EPHA3: variants seen among roughly 807,000 people sequenced by gnomAD.
The protein encoded by EPHA3 is EPH receptor A3, also known as ephrin type-A receptor 3.
EPHA3 carries 42 observed loss-of-function variants against 107.1 expected under a neutral mutation model. The observed-to-expected ratio is 0.39, with a 90% CI of 0.31 to 0.51. The LOEUF (loss-of-function observed/expected upper bound fraction) is 0.51. Ranked by LOEUF, EPHA3 falls within the 20% of genes least tolerant of loss-of-function variation. The pLI is 0.78. For synonymous variants in EPHA3, 461 were observed against 424.8 expected (o/e 1.09, Z -1.05); for missense variants, 1,183 against 1,211.2 (o/e 0.98, Z 0.35).
chr3:89,399,469 C>T lies in EPHA3; in HGVS notation c.1583C>T (p.Thr528Ile). 1.2e-6 allele frequency: 2 copies of T among 1,614,162 alleles called. No homozygotes were observed. Among genetic ancestry groups the T allele is most frequent in the Non-Finnish European group, 1.7e-6 (2 of 1,180,026 alleles). Residue 528 changes from threonine to isoleucine, a missense_variant, in exon 7 of 17, where the codon ACT becomes ATT. Transcript: ENST00000336596. ...GTNSRKFEFE[T>I]SPDSFSISGE... ...AACAGCCGCAAGTTTGAGTTTGAAA[C>T]TAGTCCAGACTGTATGTATTATTTC... is the stretch of plus-strand genomic sequence containing the variant.
chr3:89,210,460 G>A lies in EPHA3; in HGVS notation c.754G>A (p.Val252Ile), dbSNP rs1194420863. Reference protein sequence around the residue: ...MYCSTEGEWLVPIGKCSCNAG... With the variant: ...MYCSTEGEWLIPIGKCSCNAG... ...CTGCAGTACAGAAGGCGAATGGCTT[G>A]TACCCATTGGCAAGTGTTCCTGCAA... Residue 252 changes from valine (V) to isoleucine (I), a missense_variant, in exon 3 of 17, where the codon GTA (valine) becomes ATA (isoleucine). Coordinates refer to ENST00000336596, the MANE Select transcript of EPHA3 (RefSeq NM_005233.6). 3.1e-6 allele frequency: 5 copies of A among 1,596,050 alleles called. No homozygotes were observed. In the South Asian group the frequency reaches 3.4e-5, roughly 11 times the overall value.
At chr3:89,185,924 AAATTT>A (rs2107129536) in intron 2 of EPHA3, among the ~76,000 whole-genome samples, 1 of 152,260 alleles carries the variant, frequency 6.6e-6, no homozygotes, top group African/African-American at 2.4e-5. Flanking sequence ...TCTATTACTC[AAATTT>A]AATGCATATT....
intron 3 of EPHA3, among the ~76,000 whole-genome samples, chr3:89,270,997 T>C (rs1294486161): frequency 1.3e-5 from 2 of 151,998 alleles, no homozygotes; most frequent in African/African-American, 4.8e-5. Context: ...TAATAATACT[T>C]TTCTTTAATC....
chr3:89,178,668 GAAT>G (rs1367763651), intron 2 of EPHA3, among the ~76,000 whole-genome samples: 1 of 151,612 alleles, frequency 6.6e-6, no homozygotes, highest in African/African-American at 2.4e-5. Flanking sequence ...TATTAATTCT[GAAT>G]AATATAATGT....
At chr3:89,380,418 G>A (rs1283609766) in intron 5 of EPHA3, among the ~76,000 whole-genome samples, 1 of 152,152 alleles carries the variant, frequency 6.6e-6, no homozygotes, top group Non-Finnish European at 1.5e-5. Flanking sequence ...CTCAATTAAA[G>A]TTAGCAGTTT....
At chr3:89,109,351 G>A (rs530380722) in intron 1 of EPHA3, among the ~76,000 whole-genome samples, 3 of 151,856 alleles carry the variant, frequency 2.0e-5, no homozygotes, top group African/African-American at 7.3e-5. Context: ...ATGTATAATA[G>A]GTAACATATC....
intron 3 of EPHA3, among the ~76,000 whole-genome samples, chr3:89,235,661 A>T (rs1704741481): frequency 6.6e-6 from 1 of 151,992 alleles, no homozygotes; most frequent in Non-Finnish European, 1.5e-5. Flanking sequence ...TTTTTCATGA[A>T]CATGGTGTAT....
chr3:89,334,122 C>A (rs1461952982), intron 3 of EPHA3, among the ~76,000 whole-genome samples: 1 of 152,122 alleles, frequency 6.6e-6, no homozygotes, highest in Non-Finnish European at 1.5e-5. Context: ...AAGGGGATGA[C>A]TATCATAACA....
chr3:89,336,813 C>T (rs1707402562), intron 3 of EPHA3, among the ~76,000 whole-genome samples: 1 of 152,102 alleles, frequency 6.6e-6, no homozygotes, highest in African/African-American at 2.4e-5. Context: ...GTAACCCCAG[C>T]ACTTTGGGAA....
intron 1 of EPHA3, among the ~76,000 whole-genome samples, chr3:89,113,042 A>G (rs977237092): frequency 1.3e-5 from 2 of 152,114 alleles, no homozygotes; most frequent in African/African-American, 4.8e-5. Flanking sequence ...TCTGGATTTT[A>G]TCATCACGGA....
intron 2 of EPHA3, among the ~76,000 whole-genome samples, chr3:89,157,700 A>G (rs902568781): frequency 2.0e-5 from 3 of 151,976 alleles, no homozygotes; most frequent in African/African-American, 4.8e-5. Flanking sequence ...TATTGATTTC[A>G]CAATTGTCCT....
chr3:89,131,793 C>CTCCT (rs1422900078), intron 2 of EPHA3, among the ~76,000 whole-genome samples: 5 of 152,178 alleles, frequency 3.3e-5, no homozygotes, highest in Non-Finnish European at 7.4e-5. Flanking sequence ...TTATTGATGT[C>CTCCT]TTAGCGGTGA....
At chr3:89,148,164 C>G (rs2107035294) in intron 2 of EPHA3, among the ~76,000 whole-genome samples, 1 of 151,932 alleles carries the variant, frequency 6.6e-6, no homozygotes, top group Middle Eastern at 3.4e-3. Context: ...GGCATTTGTG[C>G]ATGTGTGTCT....
chr3:89,353,994 A>T (rs9875564), intron 5 of EPHA3, among the ~76,000 whole-genome samples: 2,841 of 151,484 alleles, frequency 0.019, 110 homozygotes, highest in African/African-American at 0.064. Context: ...ATAACCAGTT[A>T]GAGGAGTAAA....
At chr3:89,183,229 A>G (rs1705485196) in intron 2 of EPHA3, among the ~76,000 whole-genome samples, 1 of 151,998 alleles carries the variant, frequency 6.6e-6, no homozygotes, top group Non-Finnish European at 1.5e-5. Context: ...TATATTGTAC[A>G]CACAATTGAA....
intron 3 of EPHA3, among the ~76,000 whole-genome samples, chr3:89,250,210 T>A (rs1177761732): frequency 6.6e-6 from 1 of 152,228 alleles, no homozygotes; most frequent in Non-Finnish European, 1.5e-5. Flanking sequence ...ATTCTCCTTA[T>A]CAAATCAGCT....
chr3:89,188,412 G>C (rs1705623722), intron 2 of EPHA3, among the ~76,000 whole-genome samples: 1 of 152,098 alleles, frequency 6.6e-6, no homozygotes, highest in Non-Finnish European at 1.5e-5. Flanking sequence ...TTCATTTGGT[G>C]TCAGCATACT....
intron 3 of EPHA3, among the ~76,000 whole-genome samples, chr3:89,315,617 T>TAA (rs199911525): frequency 2.7e-4 from 34 of 127,438 alleles, no homozygotes; most frequent in African/African-American, 7.1e-4. Context: ...TCCTTTTTAA[T>TAA]AAAAAAAAAA....
chr3:89,330,546 A>G (rs1707262392), intron 3 of EPHA3, among the ~76,000 whole-genome samples: 1 of 152,124 alleles, frequency 6.6e-6, no homozygotes, highest in Non-Finnish European at 1.5e-5. Context: ...TTGAAAGCTG[A>G]GTTAATTCCT....
Sources: allele counts gnomAD v4.1 joint callset (sites outside exome capture counted in the v4.1 genomes callset), GRCh38; gene constraint gnomAD v4.1.1; transcripts MANE v1.5; gene names NCBI Gene and HGNC (gene_info 2026-07-23, HGNC 2026-07-21).